The following RALYL variants were observed in gnomAD, a reference collection of about 807,000 sequenced individuals.
The protein encoded by RALYL is RALY RNA binding protein like.
RALYL carries 29 observed loss-of-function variants against 35.1 expected under a neutral mutation model. The observed-to-expected ratio is 0.83, with a 90% CI of 0.61 to 1.13. The LOEUF (loss-of-function observed/expected upper bound fraction) is 1.13. Among genes scored for constraint, RALYL ranks in the 50% most tolerant of loss-of-function variants. The probability of loss-of-function intolerance (pLI) is 0.00; values close to 1 mark genes in which losing one functional copy is unlikely to be tolerated. For missense variants in RALYL, 359 were observed against 360.4 expected (o/e 1.00, Z 0.03); for synonymous variants, 120 against 127.6 (o/e 0.94, Z 0.40).
At chr8:84,518,474 T>C (rs570552973) in intron 1 of RALYL, among the ~76,000 whole-genome samples, 2 of 152,294 alleles carry the variant, frequency 1.3e-5, no homozygotes, top group African/African-American at 2.4e-5. Context: ...GATGCTATCA[T>C]TTATGACATT....
At chr8:84,583,468 A>G (rs1383724487) in intron 2 of RALYL, among the ~76,000 whole-genome samples, 1 of 152,150 alleles carries the variant, frequency 6.6e-6, no homozygotes, top group Non-Finnish European at 1.5e-5. Context: ...TAATTTTCAG[A>G]TATCATGTTC....
intron 2 of RALYL, among the ~76,000 whole-genome samples, chr8:84,705,206 C>T (rs527602679): frequency 2.6e-5 from 4 of 152,170 alleles, no homozygotes; most frequent in Non-Finnish European, 5.9e-5. Flanking sequence ...GAGCTTCCAC[C>T]TTGTCCACTT....
intron 4 of RALYL, among the ~76,000 whole-genome samples, chr8:84,815,758 C>T (rs896456780): frequency 6.6e-6 from 1 of 151,820 alleles, no homozygotes; most frequent in East Asian, 1.9e-4. Flanking sequence ...TGAATAAGGC[C>T]AGGCGCGGTG....
chr8:84,367,330 T>G (rs1563800058), intron 1 of RALYL, among the ~76,000 whole-genome samples: 21 of 24,976 alleles, frequency 8.4e-4, no homozygotes, highest in African/African-American at 6.0e-3. Flanking sequence ...TTTTTTTTTT[T>G]TTTTTTTTTT....
At chr8:84,560,862 C>T (rs1227543966) in intron 2 of RALYL, among the ~76,000 whole-genome samples, 6 of 151,920 alleles carry the variant, frequency 3.9e-5, no homozygotes, top group Non-Finnish European at 5.9e-5. Context: ...GGCTAACTCT[C>T]TTCATAGAGA....
chr8:84,624,337 C>A (rs1402412770), intron 2 of RALYL, among the ~76,000 whole-genome samples: 1 of 152,170 alleles, frequency 6.6e-6, no homozygotes, highest in Non-Finnish European at 1.5e-5. Flanking sequence ...TTTTACTGGG[C>A]TAAAGTCAAA....
chr8:84,273,104 C>G (rs774835561), intron 1 of RALYL, among the ~76,000 whole-genome samples: 18 of 152,220 alleles, frequency 1.2e-4, no homozygotes, highest in Non-Finnish European at 2.5e-4. Flanking sequence ...ACTGCTTTTT[C>G]TATTAGTTAT....
At chr8:84,405,137 G>T (rs1261530214) in intron 1 of RALYL, among the ~76,000 whole-genome samples, 1 of 152,082 alleles carries the variant, frequency 6.6e-6, no homozygotes, top group Non-Finnish European at 1.5e-5. Flanking sequence ...TGAAATTAAG[G>T]CAGAAATAAA....
At chr8:84,742,197 T>C (rs1355176661) in intron 2 of RALYL, among the ~76,000 whole-genome samples, 1 of 152,022 alleles carries the variant, frequency 6.6e-6, no homozygotes, top group Non-Finnish European at 1.5e-5. Flanking sequence ...AAATCCAGTC[T>C]TACCATCAAA....
At chr8:84,508,423 C>G (rs1448356830) in intron 1 of RALYL, among the ~76,000 whole-genome samples, 1 of 152,052 alleles carries the variant, frequency 6.6e-6, no homozygotes, top group Admixed American at 6.6e-5. Flanking sequence ...GCCTTAGTTC[C>G]TTTCTGTAAA....
At chr8:84,245,268 T>C (rs763142359) in intron 1 of RALYL, among the ~76,000 whole-genome samples, 15 of 152,164 alleles carry the variant, frequency 9.9e-5, no homozygotes, top group Non-Finnish European at 1.6e-4. Flanking sequence ...AACAATTGTC[T>C]CTGCTAGCAA....
At chr8:84,865,043 G>C in intron 6 of RALYL, 1 of 175,418 alleles carries the variant, frequency 5.7e-6, no homozygotes, top group Non-Finnish European at 1.2e-5. Flanking sequence ...ATAATTCACT[G>C]GCAAGCATAA....
intron 3 of RALYL, among the ~76,000 whole-genome samples, chr8:84,792,260 G>T (rs989919158): frequency 6.6e-6 from 1 of 152,208 alleles, no homozygotes; most frequent in Admixed American, 6.5e-5. Flanking sequence ...AGTCCTGGAG[G>T]TGGCTCTCAG....
chr8:84,293,636 C>T (rs1308515438), intron 1 of RALYL, among the ~76,000 whole-genome samples: 1 of 152,154 alleles, frequency 6.6e-6, no homozygotes. Context: ...CTTTCTAAAT[C>T]ATTTTGAGTA....
intron 2 of RALYL, among the ~76,000 whole-genome samples, chr8:84,730,736 C>T (rs1033250344): frequency 6.6e-6 from 1 of 151,944 alleles, no homozygotes; most frequent in African/African-American, 2.4e-5. Context: ...CATAACAAAA[C>T]TCGTAATTTG....
intron 2 of RALYL, among the ~76,000 whole-genome samples, chr8:84,552,336 G>GTTTATATATA (rs1564131734): frequency 4.8e-5 from 4 of 84,124 alleles, no homozygotes; most frequent in African/African-American, 2.3e-4. Context: ...TAGGATGTGT[G>GTTTATATATA]TGTATATATA....
At chr8:84,661,628 TTTTA>T (rs931041744) in intron 2 of RALYL, among the ~76,000 whole-genome samples, 6 of 143,020 alleles carry the variant, frequency 4.2e-5, no homozygotes, top group African/African-American at 1.3e-4. Context: ...ATTTTATTTA[TTTTA>T]TTTATTTTTT....
At chr8:84,209,603 AG>A (rs1376476200) in intron 1 of RALYL, among the ~76,000 whole-genome samples, 1 of 152,074 alleles carries the variant, frequency 6.6e-6, no homozygotes, top group Non-Finnish European at 1.5e-5. Context: ...ATTACCTGGG[AG>A]TTTTAAAAAA....
At chr8:84,387,543 G>T (rs1293035119) in intron 1 of RALYL, among the ~76,000 whole-genome samples, 1 of 151,832 alleles carries the variant, frequency 6.6e-6, no homozygotes, top group African/African-American at 2.4e-5. Context: ...TGCAGAGTTT[G>T]TTGACTGTAT....
Sources: gnomAD v4.1 joint callset for allele counts (sites outside exome capture counted in the v4.1 genomes callset) on GRCh38, gnomAD v4.1.1 for gene constraint, MANE v1.5 for transcripts, NCBI Gene and HGNC (gene_info 2026-07-23, HGNC 2026-07-21) for gene names.